The following ANKRD60 variants were observed in gnomAD, a reference collection of about 807,000 sequenced individuals.
ANKRD60 encodes ankyrin repeat domain-containing protein 60.
ANKRD60 carries 24 observed loss-of-function variants against 21.3 expected under a neutral mutation model. That is an observed-to-expected ratio of 1.13 (90% CI 0.82 to 1.59). The LOEUF is 1.59. ANKRD60 is among the 40% of genes most tolerant of loss of function. ANKRD60 has a pLI of 0.00. For missense variants in ANKRD60, 490 were observed against 466.7 expected (o/e 1.05, Z -0.46); for synonymous variants, 182 against 199.4 (o/e 0.91, Z 0.74).
intron 3 of ANKRD60, among the ~76,000 whole-genome samples, chr20:58,219,021 G>A (rs769660766): frequency 3.9e-5 from 6 of 152,004 alleles, no homozygotes; most frequent in Non-Finnish European, 8.8e-5. Context: ...CCATCCCACC[G>A]GCTGTGGGGT....
intron 2 of ANKRD60, 38 bp downstream of exon 2, chr20:58,223,014 G>C (rs368868610): frequency 2.0e-6 from 3 of 1,518,780 alleles, no homozygotes; most frequent in South Asian, 2.5e-5. Context: ...CGGTTGCTTC[G>C]TAACGTATAA....
intron 3 of ANKRD60, 54 bp from the exon 4 acceptor site, chr20:58,218,859 A>G: frequency 6.8e-7 from 1 of 1,472,764 alleles, no homozygotes. Flanking sequence ...GGAACACAGG[A>G]GGGGTCCAGG....
At chr20:58,222,641 G>A (rs1456967615) in intron 2 of ANKRD60, among the ~76,000 whole-genome samples, 2 of 152,184 alleles carry the variant, frequency 1.3e-5, no homozygotes, top group Non-Finnish European at 2.9e-5. Context: ...GGAACGAGGG[G>A]CCTCTCCCTC....
In ANKRD60 at chr20:58,218,685, T is replaced by C. The variant is rs1372386540; in HGVS notation, c.848A>G (p.Asp283Gly). Residue 283 changes from aspartate (D) to glycine (G), a missense_variant, in exon 4 of 4, where the codon GAT becomes GGT. By Grantham distance (94) the Asp-to-Gly change is moderately conservative. Coordinates refer to ENST00000457363, the Ensembl canonical transcript of ANKRD60. ...GGAGATGGGGGTCTCCCCCTTGGCA[T>C]CTCTGTCGTGGATGGAGGCCCCGTG... 5.8e-6 allele frequency: 9 copies of C among 1,551,740 alleles called. No individual in the cohort carries two copies. In the South Asian group the frequency reaches 1.1e-4, roughly 18 times the overall value.
Position 58,228,581 on chromosome 20 carries a change from T to C in ANKRD60, c.73A>G (p.Thr25Ala). 1 of 1,174,048 alleles carries C rather than the reference T, an allele frequency of 8.5e-7. No individual in the cohort carries two copies. Among genetic ancestry groups the C allele is most frequent in the Non-Finnish European group, 1.1e-6 (1 of 951,418 alleles). The allele number at this position is 1,174,048 out of a possible 1,614,324, so 72.7% of individuals were successfully genotyped here. A position where few individuals can be genotyped will look rare whatever the true frequency, so the allele number is the denominator to read the frequency against. The change falls in exon 1 of 4, where the codon ACT becomes GCT. Residue 25 changes from threonine (T) to alanine (A), a missense_variant. Physicochemically the swap from Thr to Ala is moderately conservative, Grantham distance 58 (BLOSUM62 0). Transcript: ENST00000457363. The surrounding 1 kb of genome is among the most constrained non-coding windows in gnomAD (Gnocchi z 5.3). ...GGGTGCAGGCGAGAGGCGCCCCCAG[T>C]TGGCCCCGCCGCCCGCGCTCCGCCC...
Position 58,218,929 on chromosome 20 carries a change from C to T in ANKRD60, c.728-124G>A, listed in dbSNP as rs796290227. 1.4e-5 allele frequency: 12 copies of T among 853,610 alleles called. No individual in the cohort carries two copies. The African/African-American group carries it at 1.7e-4, about 12-fold the overall frequency. 52.9% of individuals were successfully genotyped at this position (853,610 alleles called of 1,614,324 possible). ...TGCCTGGCCCAGCTCCAGTACTGCCCTGCCCCCAGTCCACTCCCCTGGCAG... is the reference window on the plus strand; with the variant it reads ...TGCCTGGCCCAGCTCCAGTACTGCCTTGCCCCCAGTCCACTCCCCTGGCAG... On this transcript the variant is annotated intron_variant, in intron 3 of 3. Coordinates refer to ENST00000457363, the Ensembl canonical transcript of ANKRD60.
At chr20:58,222,922 A>T (rs1417278289) in intron 2 of ANKRD60, 130 bp downstream of exon 2, 7 of 1,177,958 alleles carry the variant, frequency 5.9e-6, no homozygotes, top group Admixed American at 3.0e-5. Flanking sequence ...TAATTATGAC[A>T]CGGCTCATCG....
At chr20:58,218,144 T>C (rs1048834580), downstream of ANKRD60, among the ~76,000 whole-genome samples, 6 of 152,214 alleles carry the variant, frequency 3.9e-5, no homozygotes, top group African/African-American at 9.7e-5. Context: ...ATTATCATTA[T>C]TGTTATTACT....
chr20:58,223,275 C>T, intron 1 of ANKRD60, 93 bp from the exon 2 acceptor site: 1 of 1,065,950 alleles, frequency 9.4e-7, no homozygotes, highest in Non-Finnish European at 1.3e-6. Flanking sequence ...ACCTTGAGTG[C>T]CACAAAGATA....
chr20:58,222,542 T>C (rs987454269), intron 2 of ANKRD60, among the ~76,000 whole-genome samples: 2 of 152,350 alleles, frequency 1.3e-5, no homozygotes, highest in South Asian at 4.1e-4. Context: ...ATCTGGTTTC[T>C]ATCCTCCTGC....
At chr20:58,226,966 T>A (rs1797663027) in intron 1 of ANKRD60, among the ~76,000 whole-genome samples, 1 of 152,096 alleles carries the variant, frequency 6.6e-6, no homozygotes, top group Admixed American at 6.6e-5. Context: ...ATGACGTGGG[T>A]AGAGTCTGCT....
intron 3 of ANKRD60, among the ~76,000 whole-genome samples, chr20:58,220,023 A>C (rs1939312066): frequency 6.6e-6 from 1 of 152,236 alleles, no homozygotes. Flanking sequence ...TGCACGGCCC[A>C]ATCATCCGGC....
At chr20:58,218,949 T>G in intron 3 of ANKRD60, 144 bp from the exon 4 acceptor site, 1 of 708,040 alleles carries the variant, frequency 1.4e-6, no homozygotes, top group Non-Finnish European at 2.3e-6. Context: ...TCCACTCCCC[T>G]GGCAGCAGCC....
At chr20:58,225,007 A>G (rs1984336863) in intron 1 of ANKRD60, among the ~76,000 whole-genome samples, 1 of 152,176 alleles carries the variant, frequency 6.6e-6, no homozygotes, top group Non-Finnish European at 1.5e-5. Flanking sequence ...CCAAATTTTG[A>G]GGTGGGTAGG....
Position 58,228,273 on chromosome 20 carries a change from C to T in ANKRD60, c.381G>A (p.Leu127=). ...GGAGGTTGAAGGGGATGCCGACCAT[C>T]AGGTCCAGCTCCTCTTTGAGCTCCC... The change falls in exon 1 of 4, where the codon CTG becomes CTA. Residue 127 remains leucine (L), a synonymous_variant. Coordinates refer to ENST00000457363, the Ensembl canonical transcript of ANKRD60. The surrounding 1 kb of genome is among the most constrained non-coding windows in gnomAD (Gnocchi z 5.3). The T allele has an allele frequency of 6.4e-7, 1 of 1,551,256 alleles. No homozygotes were observed. The highest frequency in any genetic ancestry group is 8.7e-7 in the Non-Finnish European group (1 of 1,146,776).
At chr20:58,219,264 T>G (rs761049765) in intron 3 of ANKRD60, among the ~76,000 whole-genome samples, 3 of 152,224 alleles carry the variant, frequency 2.0e-5, no homozygotes, top group Non-Finnish European at 4.4e-5. Flanking sequence ...TTCATTTCTT[T>G]CCTTGGGAAA....
chr20:58,218,782 G>A (rs1055703233), exon 4 of ANKRD60: 2 of 1,542,844 alleles, frequency 1.3e-6, no homozygotes, highest in South Asian at 1.2e-5. Flanking sequence ...CTGCCCAGGG[G>A]GGATCTGCTG....
At chr20:58,219,089 T>A (rs1984193340) in intron 3 of ANKRD60, among the ~76,000 whole-genome samples, 1 of 152,066 alleles carries the variant, frequency 6.6e-6, no homozygotes, top group African/African-American at 2.4e-5. Context: ...TCTTCCAGCA[T>A]TCCCTCCTGC....
Position 58,228,623 on chromosome 20 carries a change from G to T in ANKRD60, c.31C>A (p.Arg11=). 1 of 940,386 alleles carries T rather than the reference G, an allele frequency of 1.1e-6. No individual in the cohort carries two copies. The highest frequency in any genetic ancestry group is 1.3e-6 in the Non-Finnish European group (1 of 789,684). The allele number at this position is 940,386 out of a possible 1,614,324, so 58.3% of individuals were successfully genotyped here. ...GCTCCGCCCGCCCCCGCCGCCGCCC[G>T]CCGCATCCCCCAGGCGCGGCCGCGC... Residue 11 remains arginine (R), a synonymous_variant, in exon 1 of 4, where the codon CGG becomes AGG. Transcript: ENST00000457363. This position sits in a 1 kb window ranked among gnomAD's most constrained non-coding sequence, Gnocchi z 5.3.
Sources: gnomAD v4.1 joint callset for allele counts (sites outside exome capture counted in the v4.1 genomes callset) on GRCh38, gnomAD v4.1.1 for gene constraint, Gnocchi (gnomAD v3.1) non-coding constraint, MANE v1.5 for transcripts, NCBI Gene and HGNC (gene_info 2026-07-23, HGNC 2026-07-21) for gene names.